AGAP3: variants seen among roughly 807,000 people sequenced by gnomAD.
The protein encoded by AGAP3 is arf-GAP with GTPase, ANK repeat and PH domain-containing protein 3.
Under a neutral mutation model 96.9 loss-of-function variants are expected in AGAP3, and 24 were observed. The observed-to-expected ratio is 0.25, with a 90% CI of 0.18 to 0.35. The LOEUF (loss-of-function observed/expected upper bound fraction) is 0.35, where lower values mean the gene tolerates loss of function less well. Among genes scored for constraint, AGAP3 ranks in the 10% least tolerant of loss-of-function variants. AGAP3 has a pLI of 1.00. For missense variants in AGAP3, 876 were observed against 1,254.2 expected, an observed-to-expected ratio of 0.70 and a Z score of 4.55; for synonymous variants, 563 against 536.1, an observed-to-expected ratio of 1.05 and a Z score of -0.69.
At chr7:151,088,221 C>G (rs1205088257) in intron 1 of AGAP3, among the ~76,000 whole-genome samples, 1 of 152,190 alleles carries the variant, frequency 6.6e-6, no homozygotes, top group African/African-American at 2.4e-5. Context: ...TCCCCATAGC[C>G]GGGGAAGAAG....
chr7:151,116,780 C>T lies in AGAP3; in HGVS notation c.332-13C>T. The T allele has an allele frequency of 1.9e-6, 3 of 1,614,066 alleles. No homozygotes were observed. The highest frequency in any genetic ancestry group is 2.5e-6 in the Non-Finnish European group (3 of 1,180,006). The stretch of plus-strand genomic sequence containing the variant: ...CCACCCTGGCCCTGACGGGGCGGCT[C>T]TGTCTTCCGCAGACTCGTTTGTGAA... On this transcript the variant is annotated splice_polypyrimidine_tract_variant and intron_variant, in intron 1 of 17. Coordinates refer to ENST00000397238, the MANE Select transcript of AGAP3 (RefSeq NM_031946.7).
In AGAP3 at chr7:151,117,351, G is replaced by A. The variant is rs1417369019; in HGVS notation, c.479-20G>A. ...GATTCTTTCTCCACACTTTGGACCT[G>A]ACTGCGCGCTCTGTCCTAGGGGGGC... On this transcript the variant is annotated intron_variant, in intron 3 of 17. Transcript: ENST00000397238. 1 of 1,613,922 alleles carries A rather than the reference G, an allele frequency of 6.2e-7. No individual in the cohort carries two copies. The highest frequency in any genetic ancestry group is 8.5e-7 in the Non-Finnish European group (1 of 1,179,906).
At chr7:151,138,576 G>T (rs922655772) in intron 12 of AGAP3, among the ~76,000 whole-genome samples, 1 of 152,182 alleles carries the variant, frequency 6.6e-6, no homozygotes, top group Non-Finnish European at 1.5e-5. Context: ...CCATCTGCCT[G>T]CAGCCCTGCC....
intron 8 of AGAP3, chr7:151,120,617 G>C: frequency 7.7e-7 from 1 of 1,294,342 alleles, no homozygotes; most frequent in South Asian, 1.2e-5. Flanking sequence ...GTCGCCTTCC[G>C]GCTCTTTTTC....
intron 9 of AGAP3, among the ~76,000 whole-genome samples, chr7:151,127,046 G>GT (rs1336926065): frequency 6.6e-6 from 1 of 152,252 alleles, no homozygotes; most frequent in Non-Finnish European, 1.5e-5. Flanking sequence ...GCCGCTGGAA[G>GT]TGGGTGCCCT....
chr7:151,128,479 G>A, intron 9 of AGAP3, 101 bp from the exon 10 acceptor site: 1 of 949,128 alleles, frequency 1.1e-6, no homozygotes, highest in Admixed American at 2.0e-5. Flanking sequence ...CCCAGGAGAA[G>A]CGGGGAGGGG....
intron 10 of AGAP3, among the ~76,000 whole-genome samples, chr7:151,129,706 C>T (rs1800327927): frequency 2.6e-5 from 4 of 152,148 alleles, no homozygotes; most frequent in Admixed American, 2.0e-4. Context: ...CCCACCTCCC[C>T]ACCGCGGGCA....
intron 1 of AGAP3, among the ~76,000 whole-genome samples, chr7:151,103,161 A>G (rs1563439336): frequency 6.6e-6 from 1 of 152,250 alleles, no homozygotes; most frequent in Non-Finnish European, 1.5e-5. Flanking sequence ...TTTTTGGAGC[A>G]TCCCTACAGG....
chr7:151,143,545 A>G lies in AGAP3; in HGVS notation c.2478A>G (p.Leu826=), dbSNP rs1330323041. ...GGGACGGGGACGGGCGGACGGCTCT[A>G]CATCTCTCCAGTGCCATGGCCAACG... is the stretch of plus-strand genomic sequence containing the variant. ...TYGDGDGRTA[L]HLSSAMANVV... is the part of the protein sequence containing the mutation. Residue 826 remains leucine, a synonymous_variant, in exon 17 of 18, where the codon CTA becomes CTG. Coordinates refer to ENST00000397238, the MANE Select transcript of AGAP3 (RefSeq NM_031946.7). The surrounding 1 kb of genome is among the most constrained non-coding windows in gnomAD (Gnocchi z 5.9). The G allele has an allele frequency of 3.7e-6, 6 of 1,613,426 alleles. No individual in the cohort carries two copies. In the Admixed American group the frequency reaches 1.0e-4, roughly 27 times the overall value.
At position 151,118,068 on chromosome 7, in the gene AGAP3, ACCCAGGCAC is replaced by A. The variant is rs1799682474; in HGVS notation, c.707-139_707-131del. 5 of 1,167,512 alleles carry A rather than the reference ACCCAGGCAC, an allele frequency of 4.3e-6. No individual in the cohort carries two copies. The African/African-American group carries it at 7.8e-5, about 18-fold the overall frequency. 72.3% of individuals were successfully genotyped at this position (1,167,512 alleles called of 1,614,324 possible). A position where few individuals can be genotyped will look rare whatever the true frequency, so the allele number is the denominator to read the frequency against. On this transcript the variant is annotated intron_variant, in intron 5 of 17. Transcript: ENST00000397238. The surrounding 1 kb of genome is among the most constrained non-coding windows in gnomAD (Gnocchi z 6.1). ...GAGGCCATGGAAGGGTTGAAATGAG[ACCCAGGCAC>A]CCGCGTTCTTGGTGCTCTGTGTGTT...
Position 151,093,265 on chromosome 7 carries a change from C to T in AGAP3, c.331+6193C>T, listed in dbSNP as rs141648189. 3.9e-5 allele frequency among the ~76,000 whole-genome samples: 6 copies of T among 152,228 alleles called. No homozygotes were observed. In the East Asian group the frequency reaches 1.2e-3, roughly 29 times the overall value. On this transcript the variant is annotated intron_variant, in intron 1 of 17. Transcript: ENST00000397238. ...CAAGCGATCTTCCACCTCAGTCTCC[C>T]AGGTAGCAGAGACTGCAAATATGCA... is the stretch of plus-strand genomic sequence containing the variant.
chr7:151,123,187 TCCGGAAGCCGCCGCCG>T (rs1799996104), intron 8 of AGAP3: 3 of 1,064,856 alleles, frequency 2.8e-6, no homozygotes, highest in Non-Finnish European at 3.4e-6. Flanking sequence ...CTGCTCCTGC[TCCGGAAGCCGCCGCCG>T]CCGCCGCGCT....
Position 151,120,102 on chromosome 7 carries a change from CACCCAT to C in AGAP3, c.1086_1091del (p.Pro363_Ile364del), listed in dbSNP as rs1377162528. 1 of 1,613,650 alleles carries C rather than the reference CACCCAT, an allele frequency of 6.2e-7. No individual in the cohort carries two copies. The highest frequency in any genetic ancestry group is 1.3e-5 in the African/African-American group (1 of 74,938). On this transcript the variant is annotated inframe_deletion, in exon 8 of 18. Transcript: ENST00000397238. ...ACCATCGCTGCCTCCTCCACCCCCA[CACCCAT>C]CCGAAAGCAGTCCAAGCGGCGCTCC...
intron 8 of AGAP3, chr7:151,123,275 G>A: frequency 9.5e-7 from 1 of 1,050,344 alleles, no homozygotes; most frequent in Non-Finnish European, 1.1e-6. Context: ...GGTGGACTCT[G>A]CCCCAGGAGC....
Position 151,118,590 on chromosome 7 carries a change from G to T in AGAP3, c.927G>T (p.Ser309=), listed in dbSNP as rs780819924. Residue 309 remains serine, a synonymous_variant, in exon 7 of 18, where the codon TCG becomes TCT. Transcript: ENST00000397238. This position sits in a 1 kb window ranked among gnomAD's most constrained non-coding sequence, Gnocchi z 6.1. ...CACTGCCCAACTCGCCCAGCCACTC[G>T]GCCGTGTCCGCCGCCTCCATCCCGG... ...CKSLPNSPSH[S]AVSAASIPAV... 35 of 1,613,858 alleles carry T rather than the reference G, an allele frequency of 2.2e-5. No individual in the cohort carries two copies. In the South Asian group the frequency reaches 3.8e-4, roughly 18 times the overall value.
At chr7:151,121,671 G>A (rs969607047) in intron 8 of AGAP3, among the ~76,000 whole-genome samples, 5 of 152,076 alleles carry the variant, frequency 3.3e-5, no homozygotes, top group Non-Finnish European at 7.4e-5. Flanking sequence ...CTCCCTCCTG[G>A]CTGCTCACGG....
chr7:151,142,444 C>T lies in AGAP3; in HGVS notation c.2083C>T (p.Leu695=). 1 of 1,613,978 alleles carries T rather than the reference C, an allele frequency of 6.2e-7. No homozygotes were observed. Among genetic ancestry groups the T allele is most frequent in the Non-Finnish European group, 8.5e-7 (1 of 1,180,002 alleles). The stretch of plus-strand genomic sequence containing the variant: ...CTGGGCCAGCCTGAACCTGGGTGCC[C>T]TGATGTGCATTGAGTGCTCAGGCAT... ...PDWASLNLGA[L]MCIECSGIHR... is the part of the protein sequence containing the mutation. Residue 695 remains leucine, a synonymous_variant, in exon 16 of 18, where the codon CTG becomes TTG. Transcript: ENST00000397238. This position sits in a 1 kb window ranked among gnomAD's most constrained non-coding sequence, Gnocchi z 7.5.
At chr7:151,123,609 C>A (rs767022066) in intron 8 of AGAP3, 185 bp from the exon 9 acceptor site, 35 of 1,443,776 alleles carry the variant, frequency 2.4e-5, no homozygotes, top group Non-Finnish European at 2.9e-5. Flanking sequence ...TGTATGGTGC[C>A]GTGTGTAAGA....
In AGAP3 at chr7:151,138,146, C is replaced by G. The variant is rs1800673333; in HGVS notation, c.1499C>G (p.Ala500Gly). 1 of 1,593,306 alleles carries G rather than the reference C, an allele frequency of 6.3e-7. No individual in the cohort carries two copies. The change falls in exon 12 of 18, where the codon GCC becomes GGC. Residue 500 changes from alanine (A) to glycine (G), a missense_variant. By Grantham distance (60) the Ala-to-Gly change is moderately conservative (BLOSUM62 0). This residue lies in a region of AGAP3 where 155 missense variants were observed against 144.4 expected (regional missense o/e 1.07). Coordinates refer to ENST00000397238, the MANE Select transcript of AGAP3 (RefSeq NM_031946.7). The part of the protein sequence containing the change: ...SNTQLGGGTG[A>G]PHSASSASLH... ...GTCTGACCCTTCCCGCCCCCAGGTG[C>G]CCCCCACTCGGCCAGCAGCGCATCC... is the stretch of plus-strand genomic sequence containing the variant.
Sources: allele counts gnomAD v4.1 joint callset (sites outside exome capture counted in the v4.1 genomes callset), GRCh38; gene constraint gnomAD v4.1.1; regional missense constraint gnomAD v4.1.1; non-coding constraint Gnocchi (gnomAD v3.1); transcripts MANE v1.5; gene names NCBI Gene and HGNC (gene_info 2026-07-23, HGNC 2026-07-21).